ZMAT4: variants seen among roughly 807,000 people sequenced by gnomAD.
ZMAT4 encodes the protein zinc finger matrin-type 4, also known as zinc finger matrin-type protein 4.
In ZMAT4, 17 loss-of-function variants were observed where a neutral mutation model predicts 28.7. The observed-to-expected ratio is 0.59, with a 90% CI of 0.41 to 0.89. ZMAT4 has a LOEUF of 0.89. ZMAT4 is among the 40% of genes least tolerant of loss of function. The pLI is 0.00. For missense variants in ZMAT4, 240 were observed against 283.8 expected, an observed-to-expected ratio of 0.85 and a Z score of 1.11; for synonymous variants, 117 against 109.2, an observed-to-expected ratio of 1.07 and a Z score of -0.44.
chr8:40,794,480 T>C (rs1003654860), intron 2 of ZMAT4, among the ~76,000 whole-genome samples: 3 of 152,192 alleles, frequency 2.0e-5, no homozygotes, highest in Non-Finnish European at 4.4e-5. Flanking sequence ...CTCTACAGAA[T>C]AGCCCACAGT....
intron 2 of ZMAT4, among the ~76,000 whole-genome samples, chr8:40,799,278 G>C (rs1814735609): frequency 6.6e-6 from 1 of 152,192 alleles, no homozygotes; most frequent in African/African-American, 2.4e-5. Context: ...GACAGATAGA[G>C]AGAAAGAGAG....
At chr8:40,716,920 C>T (rs1220059347) in intron 3 of ZMAT4, among the ~76,000 whole-genome samples, 1 of 152,162 alleles carries the variant, frequency 6.6e-6, no homozygotes, top group Non-Finnish European at 1.5e-5. Context: ...TCACGTGGAC[C>T]TGCCTTTTCT....
intron 6 of ZMAT4, among the ~76,000 whole-genome samples, chr8:40,543,346 G>A (rs4431581): frequency 0.26 from 40,227 of 152,132 alleles, 8,778 homozygotes; most frequent in African/African-American, 0.6. Context: ...AGGTCTGGAC[G>A]AATACAAAGC....
intron 5 of ZMAT4, among the ~76,000 whole-genome samples, chr8:40,639,877 CT>C (rs1277557145): frequency 6.6e-6 from 1 of 151,918 alleles, no homozygotes; most frequent in Non-Finnish European, 1.5e-5. Context: ...GTGGAGATAA[CT>C]TTTTAAAAAG....
At chr8:40,820,785 G>GGGGAT (rs1302639568) in intron 2 of ZMAT4, among the ~76,000 whole-genome samples, 56 of 151,052 alleles carry the variant, frequency 3.7e-4, no homozygotes, top group Non-Finnish European at 4.4e-4. Flanking sequence ...GTTTATGGGT[G>GGGGAT]TGTCTGTGTG....
intron 6 of ZMAT4, among the ~76,000 whole-genome samples, chr8:40,557,438 A>G (rs1441967604): frequency 6.6e-6 from 1 of 152,136 alleles, no homozygotes; most frequent in Non-Finnish European, 1.5e-5. Context: ...GTACTATTTT[A>G]AAGATTTGTA....
intron 3 of ZMAT4, among the ~76,000 whole-genome samples, chr8:40,739,808 G>A (rs1465569784): frequency 1.3e-5 from 2 of 151,952 alleles, no homozygotes; most frequent in South Asian, 2.1e-4. Flanking sequence ...CCTCCCACCC[G>A]CCGACAGGCC....
chr8:40,845,776 TAAAAAAAAAAAA>T (rs71224858), intron 1 of ZMAT4, among the ~76,000 whole-genome samples: 1 of 129,646 alleles, frequency 7.7e-6, no homozygotes, highest in African/African-American at 3.1e-5. Flanking sequence ...ACTTAGTAGT[TAAAAAAAAAAAA>T]AAAAAAAAAG....
chr8:40,892,947 T>C (rs1487048938), intron 1 of ZMAT4, among the ~76,000 whole-genome samples: 2 of 152,230 alleles, frequency 1.3e-5, no homozygotes, highest in African/African-American at 4.8e-5. Context: ...AGCCCCTGCT[T>C]ATCCGTTTCC....
At chr8:40,630,902 AAT>A (rs1474618696) in intron 5 of ZMAT4, among the ~76,000 whole-genome samples, 1 of 152,252 alleles carries the variant, frequency 6.6e-6, no homozygotes, top group African/African-American at 2.4e-5. Flanking sequence ...TAATTTTAGT[AAT>A]ATGTTTTACC....
At chr8:40,777,629 G>T (rs1172213521) in intron 2 of ZMAT4, among the ~76,000 whole-genome samples, 2 of 152,216 alleles carry the variant, frequency 1.3e-5, no homozygotes, top group African/African-American at 4.8e-5. Flanking sequence ...GGCATGGCTG[G>T]ATCACCTGGG....
chr8:40,768,046 C>T (rs951770616), intron 2 of ZMAT4, among the ~76,000 whole-genome samples: 1 of 152,132 alleles, frequency 6.6e-6, no homozygotes, highest in African/African-American at 2.4e-5. Context: ...AAGGAAATAA[C>T]ATAAGCATTA....
intron 2 of ZMAT4, among the ~76,000 whole-genome samples, chr8:40,820,352 GTGTT>G (rs1167413843): frequency 2.0e-5 from 3 of 151,330 alleles, no homozygotes; most frequent in Non-Finnish European, 2.9e-5. Flanking sequence ...GTTTATGTGT[GTGTT>G]TGTGTGTGTC....
Position 40,573,481 on chromosome 8 carries a change from C to T in ZMAT4, c.674+7684G>A, listed in dbSNP as rs115721777. On this transcript the variant is annotated intron_variant, in intron 6 of 6. Transcript: ENST00000297737. The stretch of plus-strand genomic sequence containing the variant: ...GTGTATCCAAATCTCCCTTTCCTTT[C>T]TCTTTTAAAGTCACCAGGCATTGGA... Among the ~76,000 whole-genome samples the T allele has an allele frequency of 3.3e-3, 509 of 152,234 alleles. 6 individuals are homozygous for T. Among genetic ancestry groups the T allele is most frequent in the African/African-American group, 0.011 (464 of 41,552 alleles).
chr8:40,546,552 T>A lies in ZMAT4; in HGVS notation c.675-14314A>T, dbSNP rs368148667. 8.5e-5 allele frequency among the ~76,000 whole-genome samples: 13 copies of A among 152,338 alleles called. No individual in the cohort carries two copies. In the South Asian group the frequency reaches 2.7e-3, roughly 32 times the overall value. On this transcript the variant is annotated intron_variant, in intron 6 of 6. Coordinates refer to ENST00000297737, the MANE Select transcript of ZMAT4 (RefSeq NM_024645.3). ...ACTGCTCTCATCCAATGCAGGCAAG[T>A]CCTGGTGGGAAGAAAATCCTTTTTG...
intron 6 of ZMAT4, among the ~76,000 whole-genome samples, chr8:40,539,117 T>C (rs1332757171): frequency 6.6e-6 from 1 of 152,180 alleles, no homozygotes. Context: ...TTTTCTTTAT[T>C]GTTTCAGTAG....
chr8:40,700,276 T>G (rs1369124412), intron 3 of ZMAT4, among the ~76,000 whole-genome samples: 1 of 152,002 alleles, frequency 6.6e-6, no homozygotes, highest in Non-Finnish European at 1.5e-5. Context: ...AAATCAGGAC[T>G]GTGTGGGTTT....
At chr8:40,561,240 A>G (rs1375850252) in intron 6 of ZMAT4, among the ~76,000 whole-genome samples, 1 of 152,100 alleles carries the variant, frequency 6.6e-6, no homozygotes, top group African/African-American at 2.4e-5. Flanking sequence ...TCAAAGAAGG[A>G]CAAGAAAACT....
In ZMAT4 at chr8:40,694,946, G is replaced by A. The variant is rs147120828; in HGVS notation, c.349+2299C>T. On this transcript the variant is annotated intron_variant, in intron 4 of 6. Transcript: ENST00000297737. The stretch of plus-strand genomic sequence containing the variant: ...TAGGACATGAGACCCCCTTTCCAGA[G>A]AGGGTCCTGCCCCACACCCAGAAGG... Among the ~76,000 whole-genome samples the A allele has an allele frequency of 2.6e-3, 403 of 152,320 alleles. 4 individuals are homozygous for A. The highest frequency in any genetic ancestry group is 9.0e-3 in the African/African-American group (375 of 41,570).
Sources: allele counts gnomAD v4.1 joint callset (sites outside exome capture counted in the v4.1 genomes callset), GRCh38; gene constraint gnomAD v4.1.1; transcripts MANE v1.5; gene names NCBI Gene and HGNC (gene_info 2026-07-23, HGNC 2026-07-21).